Variants in ZSWIM6 observed in about 807,000 individuals in gnomAD.
The protein encoded by ZSWIM6 is zinc finger SWIM domain-containing protein 6.
A neutral mutation model predicts 113.2 loss-of-function variants in ZSWIM6; 9 were observed. That is an observed-to-expected ratio of 0.08 (90% CI 0.05 to 0.14). The LOEUF is 0.14. Ranked by LOEUF, ZSWIM6 falls within the 10% of genes least tolerant of loss-of-function variation. The probability of loss-of-function intolerance (pLI) is 1.00; values close to 1 mark genes in which losing one functional copy is unlikely to be tolerated. For synonymous variants in ZSWIM6, 611 were observed against 606.5 expected, an observed-to-expected ratio of 1.01 and a Z score of -0.11; for missense variants, 1,162 against 1,552.2, an observed-to-expected ratio of 0.75 and a Z score of 4.22.
At chr5:61,403,855 G>A (rs142832007) in intron 1 of ZSWIM6, among the ~76,000 whole-genome samples, 41 of 152,298 alleles carry the variant, frequency 2.7e-4, no homozygotes, top group African/African-American at 9.4e-4. Flanking sequence ...GTTTTTGACA[G>A]TGAGGAAATT....
intron 1 of ZSWIM6, among the ~76,000 whole-genome samples, chr5:61,359,392 A>T (rs950415619): frequency 7.9e-5 from 12 of 152,140 alleles, no homozygotes; most frequent in African/African-American, 2.9e-4. Flanking sequence ...GAATGACGTG[A>T]TCTGACCGCT....
intron 1 of ZSWIM6, among the ~76,000 whole-genome samples, chr5:61,342,028 C>T (rs1030803913): frequency 8.6e-5 from 13 of 151,850 alleles, no homozygotes; most frequent in South Asian, 2.1e-4. Context: ...TACAGACATG[C>T]GCCATGACGC....
At chr5:61,476,169 C>T (rs768311874) in intron 2 of ZSWIM6, among the ~76,000 whole-genome samples, 2 of 151,986 alleles carry the variant, frequency 1.3e-5, no homozygotes, top group Non-Finnish European at 2.9e-5. Context: ...GTGAACTTAT[C>T]CTATTAGTTG....
chr5:61,384,024 G>A, intron 1 of ZSWIM6, among the ~76,000 whole-genome samples: 1 of 150,294 alleles, frequency 6.7e-6, no homozygotes, highest in Non-Finnish European at 1.5e-5. Context: ...GGTGGATCAT[G>A]AGGTCAGGAG....
At chr5:61,483,224 G>A (rs189666090) in intron 2 of ZSWIM6, among the ~76,000 whole-genome samples, 3 of 152,186 alleles carry the variant, frequency 2.0e-5, no homozygotes, top group African/African-American at 7.2e-5. Context: ...GCTAGCTTAG[G>A]TATCTCTTCC....
At chr5:61,338,207 A>G (rs1298708907) in intron 1 of ZSWIM6, among the ~76,000 whole-genome samples, 1 of 151,146 alleles carries the variant, frequency 6.6e-6, no homozygotes, top group Non-Finnish European at 1.5e-5. Context: ...AAAGAACATT[A>G]TTAGAATTAA....
At chr5:61,402,838 T>C (rs1045228295) in intron 1 of ZSWIM6, among the ~76,000 whole-genome samples, 1 of 152,250 alleles carries the variant, frequency 6.6e-6, no homozygotes, top group African/African-American at 2.4e-5. Context: ...TATTTCACTG[T>C]ATTTATAGTT....
At chr5:61,523,712 A>G (rs1447568941) in intron 5 of ZSWIM6, among the ~76,000 whole-genome samples, 5 of 152,326 alleles carry the variant, frequency 3.3e-5, no homozygotes, top group Middle Eastern at 3.4e-3. Context: ...TTTTAATTGT[A>G]TATCTTCTAT....
intron 2 of ZSWIM6, among the ~76,000 whole-genome samples, chr5:61,475,040 C>T (rs2112188440): frequency 6.6e-6 from 1 of 152,316 alleles, no homozygotes; most frequent in East Asian, 1.9e-4. Context: ...AAGTAGGCTT[C>T]TGCTCTGTCA....
chr5:61,471,921 C>T (rs1337418726), intron 1 of ZSWIM6, among the ~76,000 whole-genome samples: 4 of 134,226 alleles, frequency 3.0e-5, no homozygotes, highest in Admixed American at 7.8e-5. Flanking sequence ...AACTTTGTAC[C>T]GTGTATTTGT....
At chr5:61,436,751 A>G (rs1746716398) in intron 1 of ZSWIM6, among the ~76,000 whole-genome samples, 1 of 152,244 alleles carries the variant, frequency 6.6e-6, no homozygotes, top group Non-Finnish European at 1.5e-5. Flanking sequence ...TGCAGCTGTG[A>G]CAAAGTATCA....
chr5:61,521,201 T>C, intron 4 of ZSWIM6, 62 bp from the exon 5 acceptor site: 1 of 1,036,372 alleles, frequency 9.6e-7, no homozygotes, highest in East Asian at 3.4e-5. Flanking sequence ...CAATTTAACT[T>C]GATAAAATTG....
intron 2 of ZSWIM6, among the ~76,000 whole-genome samples, chr5:61,478,105 C>T (rs1181696647): frequency 2.0e-5 from 3 of 152,066 alleles, no homozygotes; most frequent in Admixed American, 6.6e-5. Flanking sequence ...ACTATCATAC[C>T]CTTTCTATTG....
chr5:61,362,734 G>A, intron 1 of ZSWIM6, among the ~76,000 whole-genome samples: 1 of 152,160 alleles, frequency 6.6e-6, no homozygotes, highest in East Asian at 1.9e-4. Flanking sequence ...GCCATCAAGT[G>A]ATGACTGCAG....
chr5:61,490,823 T>C lies in ZSWIM6; in HGVS notation c.1071T>C (p.Asp357=). The C allele has an allele frequency of 6.5e-7, 1 of 1,547,464 alleles. No homozygotes were observed. The highest frequency in any genetic ancestry group is 8.7e-7 in the Non-Finnish European group (1 of 1,144,940). ...PDPTAGASID[D]ENCWHLDEEQ... is the part of the protein sequence containing the mutation. ...CAACAGCAGGTGCTAGTATAGATGA[T>C]GAAAACTGCTGGCACTTAGATGAAG... The change falls in exon 3 of 14, where the codon GAT becomes GAC. Residue 357 remains aspartate, a synonymous_variant. Transcript: ENST00000252744.
chr5:61,426,433 C>T (rs1028367528), intron 1 of ZSWIM6, among the ~76,000 whole-genome samples: 1 of 152,210 alleles, frequency 6.6e-6, no homozygotes, highest in Non-Finnish European at 1.5e-5. Flanking sequence ...CATACATACG[C>T]ACTTATATAT....
intron 1 of ZSWIM6, among the ~76,000 whole-genome samples, chr5:61,446,341 A>G (rs1746953292): frequency 6.6e-6 from 1 of 152,232 alleles, no homozygotes; most frequent in South Asian, 2.1e-4. Flanking sequence ...CTGAGGTATT[A>G]GACAAAGCTA....
At chr5:61,396,334 C>T (rs1745836606) in intron 1 of ZSWIM6, among the ~76,000 whole-genome samples, 1 of 152,018 alleles carries the variant, frequency 6.6e-6, no homozygotes, top group Non-Finnish European at 1.5e-5. Flanking sequence ...GAGATCGAGA[C>T]TATCCTGGCC....
chr5:61,525,487 T>A (rs916833880), intron 5 of ZSWIM6, among the ~76,000 whole-genome samples: 10 of 152,328 alleles, frequency 6.6e-5, no homozygotes, highest in African/African-American at 2.4e-4. Flanking sequence ...ACTTTTGTGC[T>A]GAGTGGCTCC....
Sources: allele counts gnomAD v4.1 joint callset (sites outside exome capture counted in the v4.1 genomes callset), GRCh38; gene constraint gnomAD v4.1.1; transcripts MANE v1.5; gene names NCBI Gene and HGNC (gene_info 2026-07-23, HGNC 2026-07-21).